Variants in ITPR3 observed in about 807,000 individuals in gnomAD.
ITPR3 encodes inositol 1,4,5-trisphosphate receptor type 3.
Under a neutral mutation model 293.2 loss-of-function variants are expected in ITPR3, and 173 were observed. The ratio of observed to expected loss-of-function variants is 0.59; its 90% CI spans 0.52 to 0.67. The LOEUF (loss-of-function observed/expected upper bound fraction) is 0.67. ITPR3 is among the 30% of genes least tolerant of loss of function. ITPR3 has a pLI of 0.00. For missense variants in ITPR3, 2,796 were observed against 3,592.1 expected (o/e 0.78, Z 5.66); for synonymous variants, 1,295 against 1,444.4 (o/e 0.90, Z 2.35).
Position 33,671,157 on chromosome 6 carries a change from CT to C in ITPR3, c.2587-6del. 1.2e-6 allele frequency: 2 copies of C among 1,613,438 alleles called. No individual in the cohort carries two copies. The highest frequency in any genetic ancestry group is 1.7e-6 in the Non-Finnish European group (2 of 1,179,830). ...TCCCACCTCACCTCGGCCACGCCCC[CT>C]TCGCAGGTGGTCAGCCTGGCGCACA... On this transcript the variant is annotated splice_polypyrimidine_tract_variant and splice_region_variant and intron_variant, in intron 20 of 57. Transcript: ENST00000605930.
chr6:33,667,282 A>T lies in ITPR3; in HGVS notation c.1705A>T (p.Lys569Ter). 1 of 1,612,188 alleles carries T rather than the reference A, an allele frequency of 6.2e-7. No homozygotes were observed. Among genetic ancestry groups the T allele is most frequent in the Non-Finnish European group, 8.5e-7 (1 of 1,179,710 alleles). ...VLRHSQEDYR[K>*]NQEHIAKQFG... is the part of the protein sequence containing the mutation. ...GCGGCATTCCCAGGAGGACTACCGC[A>T]AGAACCAGGTGCGCCGCTGCCCTGC... Residue 569 changes from lysine (K) to a stop codon, truncating the protein, a stop_gained, in exon 15 of 58, where the codon AAG (lysine) becomes TAG (stop). Coordinates refer to ENST00000605930, the MANE Select transcript of ITPR3 (RefSeq NM_002224.4). LOFTEE classifies it high-confidence loss of function. This position sits in a 1 kb window ranked among gnomAD's most constrained non-coding sequence, Gnocchi z 4.4.
Position 33,680,014 on chromosome 6 carries a change from G to A in ITPR3, c.4105G>A (p.Val1369Met). 1 of 1,613,932 alleles carries A rather than the reference G, an allele frequency of 6.2e-7. No individual in the cohort carries two copies. Among genetic ancestry groups the A allele is most frequent in the Non-Finnish European group, 8.5e-7 (1 of 1,180,024 alleles). Residue 1369 changes from valine (V) to methionine (M), a missense_variant, in exon 31 of 58, where the codon GTG becomes ATG. Val to Met is a conservative substitution (Grantham distance 21, BLOSUM62 1). Transcript: ENST00000605930. ...HSPLMYHISL[V>M]DLLAACAEGK... The stretch of plus-strand genomic sequence containing the variant: ...CCCCCTCATGTACCACATTTCCCTG[G>A]TGGACCTGCTGGCCGCCTGTGCCGA...
chr6:33,674,323 T>G, intron 24 of ITPR3, 58 bp downstream of exon 24: 1 of 1,548,922 alleles, frequency 6.5e-7, no homozygotes, highest in Non-Finnish European at 8.9e-7. Flanking sequence ...ACACCCCCTC[T>G]TGGTCTGGTC....
At position 33,670,862 on chromosome 6, in the gene ITPR3, T is replaced by TG; in HGVS notation, c.2586+49dup. 6.2e-7 allele frequency: 1 copy of TG among 1,600,056 alleles called. No homozygotes were observed. Among genetic ancestry groups the TG allele is most frequent in the Non-Finnish European group, 8.5e-7 (1 of 1,174,562 alleles). ...GGCTGGGGGTCCGTGGAGCTCTTGT[T>TG]GGCCCCACACTGGCCTCGGTCTTCA... is the stretch of plus-strand genomic sequence containing the variant. On this transcript the variant is annotated intron_variant, in intron 20 of 57. Transcript: ENST00000605930. This position sits in a 1 kb window ranked among gnomAD's most constrained non-coding sequence, Gnocchi z 6.7.
intron 55 of ITPR3, 52 bp from the exon 56 acceptor site, chr6:33,693,493 T>C: frequency 6.3e-7 from 1 of 1,599,122 alleles, no homozygotes; most frequent in South Asian, 1.1e-5. Context: ...CAGGTGACCC[T>C]GCAGTGGCTC....
intron 2 of ITPR3, among the ~76,000 whole-genome samples, chr6:33,645,378 C>T (rs1764044038): frequency 6.6e-6 from 1 of 152,166 alleles, no homozygotes; most frequent in African/African-American, 2.4e-5. Flanking sequence ...AAATTCAGTA[C>T]TGTTTTTGAG....
rs757886309 is a variant in ITPR3, at chr6:33,674,208, C to T, written c.3059C>T (p.Thr1020Ile). 5 of 1,614,022 alleles carry T rather than the reference C, an allele frequency of 3.1e-6. No individual in the cohort carries two copies. The highest frequency in any genetic ancestry group is 2.2e-5 in the East Asian group (1 of 44,888). ...DGTAPAFDSTTANMNLDRIGE... is the reference protein window; with the variant it reads ...DGTAPAFDSTIANMNLDRIGE... ...CTTCCATCTGCCCCTCTCCCCACAG[C>T]TGCCAACATGAACCTGGATCGCATC... The change falls in exon 24 of 58, where the codon ACT (threonine) becomes ATT (isoleucine). Residue 1020 changes from threonine (T) to isoleucine (I), a missense_variant and splice_region_variant. Thr to Ile is a moderately conservative substitution (Grantham distance 89). This residue lies in a region of ITPR3 where 955 missense variants were observed against 1,180.8 expected (regional missense o/e 0.81). Coordinates refer to ENST00000605930, the MANE Select transcript of ITPR3 (RefSeq NM_002224.4).
intron 7 of ITPR3, among the ~76,000 whole-genome samples, chr6:33,661,659 A>C (rs904743624): frequency 1.3e-5 from 2 of 152,194 alleles, no homozygotes; most frequent in Admixed American, 1.3e-4. Context: ...ACTGAGGCTC[A>C]GACATGTTAA....
In ITPR3 at chr6:33,667,169, G is replaced by A. The variant is rs777763652; in HGVS notation, c.1592G>A (p.Gly531Asp). 5.0e-6 allele frequency: 8 copies of A among 1,614,192 alleles called. No homozygotes were observed. The highest frequency in any genetic ancestry group is 3.3e-5 in the Admixed American group (2 of 60,020). ...ILKAPFREKG[G>D]EGPLVRLEEL... ...AAGGCCCCGTTCCGTGAGAAGGGGGGTGAAGGTCCCCTGGTGCGGCTGGAG... is the reference window on the plus strand; with the variant it reads ...AAGGCCCCGTTCCGTGAGAAGGGGGATGAAGGTCCCCTGGTGCGGCTGGAG... The change falls in exon 15 of 58, where the codon GGT becomes GAT. Residue 531 changes from glycine (G) to aspartate (D), a missense_variant. Gly to Asp is a moderately conservative substitution (Grantham distance 94). Around this residue, in one of 8 missense-constraint regions of ITPR3, gnomAD observed 955 missense variants for 1,180.8 expected, o/e 0.81. Transcript: ENST00000605930. The surrounding 1 kb of genome is among the most constrained non-coding windows in gnomAD (Gnocchi z 4.4).
chr6:33,667,037 G>C lies in ITPR3; in HGVS notation c.1552-92G>C. 1 of 1,459,884 alleles carries C rather than the reference G, an allele frequency of 6.8e-7. No homozygotes were observed. Among genetic ancestry groups the C allele is most frequent in the Non-Finnish European group, 9.3e-7 (1 of 1,070,430 alleles). The allele number at this position is 1,459,884 out of a possible 1,614,324, so 90.4% of individuals were successfully genotyped here. ...TGATGTCCGGGCTGGCTTTAGGGCA[G>C]AGTCAGTTGGGACTCAGGGATGACT... On this transcript the variant is annotated intron_variant, in intron 14 of 57. Coordinates refer to ENST00000605930, the MANE Select transcript of ITPR3 (RefSeq NM_002224.4). The surrounding 1 kb of genome is among the most constrained non-coding windows in gnomAD (Gnocchi z 4.4).
rs1244086382 is a variant in ITPR3, at chr6:33,684,947, T to TG, written c.5307+10dup. On this transcript the variant is annotated splice_donor_region_variant and intron_variant, in intron 39 of 57. Coordinates refer to ENST00000605930, the MANE Select transcript of ITPR3 (RefSeq NM_002224.4). This position sits in a 1 kb window ranked among gnomAD's most constrained non-coding sequence, Gnocchi z 4.2. The stretch of plus-strand genomic sequence containing the variant: ...TGGTGGCAACACAGAGATCCAGGTG[T>TG]GGGGGGCCTGGGGCCTGGACATGCC... 6.2e-7 allele frequency: 1 copy of TG among 1,601,994 alleles called. No individual in the cohort carries two copies. Among genetic ancestry groups the TG allele is most frequent in the South Asian group, 1.1e-5 (1 of 89,382 alleles).
At position 33,676,995 on chromosome 6, in the gene ITPR3, C is replaced by T; in HGVS notation, c.3448-20C>T. The T allele has an allele frequency of 6.2e-7, 1 of 1,614,112 alleles. No individual in the cohort carries two copies. Among genetic ancestry groups the T allele is most frequent in the Non-Finnish European group, 8.5e-7 (1 of 1,179,960 alleles). ...GTGAGGGCTGGGCCTGGCTGATCTC[C>T]TTCCTCTCTCTGCTTTCAGCGTCCC... is the stretch of plus-strand genomic sequence containing the variant. On this transcript the variant is annotated intron_variant, in intron 26 of 57. Coordinates refer to ENST00000605930, the MANE Select transcript of ITPR3 (RefSeq NM_002224.4).
Position 33,688,403 on chromosome 6 carries a change from C to T in ITPR3, c.6540C>T (p.Asn2180=), listed in dbSNP as rs759243502. ...DFFDQSSFLH[N]EMEWQRKLRS... Reference sequence around the variant, plus strand: ...TCGACCAGTCCTCCTTCCTGCACAACGAGATGGAGTGGCAGCGCAAGCTCC... The same window carrying T: ...TCGACCAGTCCTCCTTCCTGCACAATGAGATGGAGTGGCAGCGCAAGCTCC... The change falls in exon 48 of 58, where the codon AAC becomes AAT. Residue 2180 remains asparagine (N), a synonymous_variant. Coordinates refer to ENST00000605930, the MANE Select transcript of ITPR3 (RefSeq NM_002224.4). The T allele has an allele frequency of 9.0e-6, 12 of 1,328,704 alleles. No individual in the cohort carries two copies. The highest frequency in any genetic ancestry group is 1.1e-5 in the South Asian group (1 of 87,176). The allele number at this position is 1,328,704 out of a possible 1,614,324, so 82.3% of individuals were successfully genotyped here.
chr6:33,673,896 G>A (rs528106762), intron 23 of ITPR3, among the ~76,000 whole-genome samples, 176 bp downstream of exon 23: 6 of 152,302 alleles, frequency 3.9e-5, no homozygotes, highest in Admixed American at 1.3e-4. Context: ...CCTTCCCTTC[G>A]TTTTCCAAAT....
chr6:33,625,704 C>A (rs570640226), intron 1 of ITPR3, among the ~76,000 whole-genome samples: 1 of 152,256 alleles, frequency 6.6e-6, no homozygotes, highest in South Asian at 2.1e-4. Context: ...GGACCTGGAT[C>A]ACCCAGGGCT....
At chr6:33,634,083 C>T (rs1438682901) in intron 1 of ITPR3, among the ~76,000 whole-genome samples, 1 of 152,162 alleles carries the variant, frequency 6.6e-6, no homozygotes, top group Non-Finnish European at 1.5e-5. Context: ...TGACTTCACG[C>T]GACGCTCCCT....
Position 33,660,162 on chromosome 6 carries a change from T to C in ITPR3, c.711+613T>C, listed in dbSNP as rs541241409. Among the ~76,000 whole-genome samples, 12 of 152,156 alleles carry C rather than the reference T, an allele frequency of 7.9e-5. No homozygotes were observed. In the South Asian group the frequency reaches 2.1e-3, roughly 26 times the overall value. On this transcript the variant is annotated intron_variant, in intron 7 of 57. Coordinates refer to ENST00000605930, the MANE Select transcript of ITPR3 (RefSeq NM_002224.4). ...TGTGGGCGAGAGAGGAGAGTTCAGA[T>C]GTCTCTTGGGTGGGGCTGCAAGGGA... is the stretch of plus-strand genomic sequence containing the variant.
At chr6:33,689,016 C>T (rs984493886) in intron 49 of ITPR3, among the ~76,000 whole-genome samples, 8 of 152,216 alleles carry the variant, frequency 5.3e-5, no homozygotes, top group African/African-American at 7.2e-5. Context: ...CACGTGCACA[C>T]GCATAGATGT....
rs1582135419 is a variant in ITPR3, at chr6:33,665,865, G to A, written c.1440G>A (p.Val480=). Residue 480 remains valine (V), a synonymous_variant, in exon 14 of 58, where the codon GTG becomes GTA. Coordinates refer to ENST00000605930, the MANE Select transcript of ITPR3 (RefSeq NM_002224.4). ...RFVIQLLEDL[V]FFVSDVPNNG... ...TCATCCAGCTGCTGGAAGACCTGGT[G>A]TTCTTTGTCAGCGATGTCCCCAACA... The A allele has an allele frequency of 1.9e-6, 3 of 1,614,176 alleles. No individual in the cohort carries two copies. In the African/African-American group the frequency reaches 4.0e-5, roughly 22 times the overall value.
Sources: gnomAD v4.1 joint callset for allele counts (sites outside exome capture counted in the v4.1 genomes callset) on GRCh38, gnomAD v4.1.1 for gene constraint, gnomAD v4.1.1 regional missense constraint, Gnocchi (gnomAD v3.1) non-coding constraint, MANE v1.5 for transcripts, NCBI Gene and HGNC (gene_info 2026-07-23, HGNC 2026-07-21) for gene names.